Variants in FRMPD4 observed in about 807,000 individuals in gnomAD.
The protein encoded by FRMPD4 is FERM and PDZ domain-containing protein 4.
In FRMPD4, 22 loss-of-function variants were observed where a neutral mutation model predicts 94.1. That is an observed-to-expected ratio of 0.23 (90% confidence interval 0.17 to 0.33). FRMPD4 has a LOEUF of 0.33. FRMPD4 is among the 10% of genes least tolerant of loss of function. The pLI, the probability that FRMPD4 is intolerant of heterozygous loss-of-function variation, is 1.00. For missense variants in FRMPD4, 1,111 were observed against 1,339.9 expected (o/e 0.83, Z 2.67); for synonymous variants, 631 against 548.6 (o/e 1.15, Z -2.10).
intron 3 of FRMPD4, among the ~76,000 whole-genome samples, chrX:12,086,641 C>A (rs757849828): frequency 9.0e-6 from 1 of 111,460 alleles, no homozygotes; most frequent in African/African-American, 3.3e-5. Flanking sequence ...TGGGATGTGA[C>A]GTGGAGGGCC....
intron 3 of FRMPD4, among the ~76,000 whole-genome samples, chrX:12,100,786 C>CCT (rs1041386637): frequency 9.0e-6 from 1 of 111,645 alleles, no homozygotes; most frequent in African/African-American, 3.3e-5. Flanking sequence ...TAACGAGTAT[C>CCT]CTCTGCATCT....
At chrX:11,934,960 T>C (rs1177906986) in intron 3 of FRMPD4, among the ~76,000 whole-genome samples, 1 of 111,556 alleles carries the variant, frequency 9.0e-6, no homozygotes, top group Non-Finnish European at 1.9e-5. Flanking sequence ...ACAAATTACA[T>C]GCAATTGATC....
intron 3 of FRMPD4, among the ~76,000 whole-genome samples, chrX:12,024,434 C>T (rs1202155276): frequency 1.8e-5 from 2 of 112,119 alleles, no homozygotes; most frequent in African/African-American, 6.5e-5. Flanking sequence ...TCCATTTTAA[C>T]TTACTCCACT....
chrX:12,035,142 T>C (rs1296347693), intron 3 of FRMPD4, among the ~76,000 whole-genome samples: 1 of 112,298 alleles, frequency 8.9e-6, no homozygotes, highest in Non-Finnish European at 1.9e-5. Flanking sequence ...AAATAGATTT[T>C]CATTGGCATC....
intron 3 of FRMPD4, among the ~76,000 whole-genome samples, chrX:11,908,775 C>T (rs141834300): frequency 0.011 from 1,255 of 111,544 alleles, 14 homozygotes; most frequent in African/African-American, 0.038. Flanking sequence ...TATTTTTAGG[C>T]CCTTGAAATG....
intron 1 of FRMPD4, among the ~76,000 whole-genome samples, chrX:12,249,670 A>C (rs1057275470): frequency 1.8e-5 from 2 of 111,618 alleles, no homozygotes; most frequent in Non-Finnish European, 3.8e-5. Flanking sequence ...ATGCCTTTGA[A>C]AGTGTGTGCT....
At chrX:12,373,458 A>G (rs757322801) in intron 1 of FRMPD4, among the ~76,000 whole-genome samples, 1 of 112,025 alleles carries the variant, frequency 8.9e-6, no homozygotes, top group African/African-American at 3.2e-5. Context: ...AATCCCAGAT[A>G]ATAAATAGTG....
intron 2 of FRMPD4, among the ~76,000 whole-genome samples, chrX:12,509,891 G>A (rs1427963297): frequency 8.9e-6 from 1 of 112,142 alleles, no homozygotes; most frequent in Non-Finnish European, 1.9e-5. Context: ...TCTGGAAATA[G>A]TGTCGTTGCA....
intron 3 of FRMPD4, among the ~76,000 whole-genome samples, chrX:12,116,938 CATTT>C (rs1950350123): frequency 8.9e-6 from 1 of 112,116 alleles, no homozygotes; most frequent in Non-Finnish European, 1.9e-5. Context: ...AATTTATCTT[CATTT>C]ATTTATTTAC....
intron 3 of FRMPD4, among the ~76,000 whole-genome samples, chrX:12,123,431 C>T (rs780376334): frequency 2.5e-4 from 28 of 111,719 alleles, no homozygotes; most frequent in African/African-American, 9.1e-4. Context: ...AGTCACTGCA[C>T]CTGGCCTTGA....
intron 1 of FRMPD4, among the ~76,000 whole-genome samples, chrX:12,147,839 T>C (rs1437143031): frequency 8.9e-6 from 1 of 112,142 alleles, no homozygotes; most frequent in Non-Finnish European, 1.9e-5. Context: ...ATTATATCTG[T>C]TATGGTGATG....
chrX:12,032,616 G>A (rs1025597691), intron 3 of FRMPD4, among the ~76,000 whole-genome samples: 1 of 111,831 alleles, frequency 8.9e-6, no homozygotes, highest in Non-Finnish European at 1.9e-5. Flanking sequence ...GATACCAAAC[G>A]AGAGTGGAAA....
At chrX:11,861,579 G>A (rs1644949938) in intron 1 of FRMPD4, among the ~76,000 whole-genome samples, 1 of 111,595 alleles carries the variant, frequency 9.0e-6, no homozygotes, top group East Asian at 2.8e-4. Flanking sequence ...TGGTTTGCAT[G>A]GTATTATGGC....
intron 1 of FRMPD4, among the ~76,000 whole-genome samples, chrX:12,141,825 G>C (rs1240654123): frequency 1.8e-5 from 2 of 112,190 alleles, no homozygotes; most frequent in African/African-American, 6.5e-5. Context: ...CATCCTTGTA[G>C]ATGAGAGCAT....
chrX:12,160,530 T>A (rs1239311544), intron 1 of FRMPD4, among the ~76,000 whole-genome samples: 2 of 111,695 alleles, frequency 1.8e-5, no homozygotes. Context: ...TCAGGGGAGT[T>A]CCTTTGTATT....
At chrX:11,893,024 A>T (rs1314578573) in intron 3 of FRMPD4, among the ~76,000 whole-genome samples, 1 of 112,557 alleles carries the variant, frequency 8.9e-6, no homozygotes, top group Non-Finnish European at 1.9e-5. Flanking sequence ...AGTTGCAAAG[A>T]TAGCACAGAT....
chrX:12,377,796 C>G (rs2056260213), intron 1 of FRMPD4, among the ~76,000 whole-genome samples: 1 of 112,566 alleles, frequency 8.9e-6, no homozygotes, highest in Non-Finnish European at 1.9e-5. Flanking sequence ...TGTAAGCTAG[C>G]CCTGTAATAA....
chrX:11,964,679 G>A (rs1307649995), intron 3 of FRMPD4, among the ~76,000 whole-genome samples: 1 of 112,101 alleles, frequency 8.9e-6, no homozygotes, highest in Non-Finnish European at 1.9e-5. Context: ...AATTATTACT[G>A]TAGATTTTTA....
chrX:12,485,308 G>A (rs1479959182), intron 1 of FRMPD4, among the ~76,000 whole-genome samples: 1 of 112,270 alleles, frequency 8.9e-6, no homozygotes, highest in Non-Finnish European at 1.9e-5. Flanking sequence ...ATCAACTTTT[G>A]TACATGTTCT....
Sources: gnomAD v4.1 joint callset for allele counts (sites outside exome capture counted in the v4.1 genomes callset) on GRCh38, gnomAD v4.1.1 for gene constraint, MANE v1.5 for transcripts, NCBI Gene and HGNC (gene_info 2026-07-23, HGNC 2026-07-21) for gene names.